UNC13D: variants seen among roughly 807,000 people sequenced by gnomAD.
UNC13D encodes the protein unc-13 homolog D.
UNC13D carries 115 observed loss-of-function variants against 151.7 expected under a neutral mutation model. The ratio of observed to expected loss-of-function variants is 0.76; its 90% CI spans 0.65 to 0.88. The LOEUF is 0.88. UNC13D is among the 40% of genes least tolerant of loss of function. The probability of loss-of-function intolerance (pLI) is 0.00; values close to 1 mark genes in which losing one functional copy is unlikely to be tolerated. For synonymous variants in UNC13D, 588 were observed against 612.2 expected (o/e 0.96, Z 0.58); for missense variants, 1,369 against 1,438.7 (o/e 0.95, Z 0.78).
chr17:75,841,356 A>G (rs1023543143), intron 6 of UNC13D, among the ~76,000 whole-genome samples: 3 of 150,214 alleles, frequency 2.0e-5, no homozygotes, highest in Non-Finnish European at 4.4e-5. Context: ...TGTTGGCCAC[A>G]CTGGTCTTGA....
rs180770840 is a variant in UNC13D, at chr17:75,844,138, G to T, written c.117+83C>A. ...GGTCCCCAGTCCCAGCCTTCGAGAG[G>T]TGGGGCCAGACAGCAGGGCACCCGT... is the stretch of plus-strand genomic sequence containing the variant. On this transcript the variant is annotated intron_variant, in intron 1 of 31. Coordinates refer to ENST00000207549, the MANE Select transcript of UNC13D (RefSeq NM_199242.3). 46 of 1,557,964 alleles carry T rather than the reference G, an allele frequency of 3.0e-5. No homozygotes were observed. The African/African-American group carries it at 4.3e-4, about 15-fold the overall frequency.
rs761457057 is a variant in UNC13D at position 75,836,572 on chromosome 17, C to T, written c.1298G>A (p.Arg433Lys). 5 of 1,613,512 alleles carry T rather than the reference C, an allele frequency of 3.1e-6. No homozygotes were observed. In the East Asian group the frequency reaches 6.7e-5, roughly 22 times the overall value. Reference protein sequence around the residue: ...DSPARLQSLLRVLVQMCKMKA... With the variant: ...DSPARLQSLLKVLVQMCKMKA... ...GAGGAAGAGGAAGGCAGCCACTGAC[C>T]TGAGAAGAGACTGCAGCCGGGCTGG... is the stretch of plus-strand genomic sequence containing the variant. Residue 433 changes from arginine (R) to lysine (K), a missense_variant and splice_region_variant, in exon 14 of 32, where the codon AGG becomes AAG. This residue lies in a region of UNC13D where 550 missense variants were observed against 609.0 expected (regional missense o/e 0.90). Transcript: ENST00000207549.
chr17:75,828,890 G>A lies in UNC13D; in HGVS notation c.3048C>T (p.Gly1016=), dbSNP rs111279039. 1.1e-5 allele frequency: 18 copies of A among 1,605,888 alleles called. No individual in the cohort carries two copies. The highest frequency in any genetic ancestry group is 5.3e-5 in the African/African-American group (4 of 75,010). Residue 1016 remains glycine, a synonymous_variant, in exon 31 of 32, where the codon GGC becomes GGT. Coordinates refer to ENST00000207549, the MANE Select transcript of UNC13D (RefSeq NM_199242.3). ...CCTCACGCAGCGGCAGGAAGGCCTC[G>A]CCTTCCAGGTCGTCGGCCCCCAGCG... ...YDTLGADDLE[G]EAFLPLREVP... is the part of the protein sequence containing the mutation.
rs760582946 is a variant in UNC13D, at chr17:75,834,313, C to G, written c.2298+12G>C. ...GGATGGGATGGGGTGACTGTGCGGT[C>G]GGACAAGGTACCTGCTCGGCCAGGG... is the stretch of plus-strand genomic sequence containing the variant. On this transcript the variant is annotated intron_variant, in intron 23 of 31. Coordinates refer to ENST00000207549, the MANE Select transcript of UNC13D (RefSeq NM_199242.3). The G allele has an allele frequency of 3.1e-6, 5 of 1,593,470 alleles. No homozygotes were observed. Among genetic ancestry groups the G allele is most frequent in the East Asian group, 4.5e-5 (2 of 44,636 alleles).
intron 21 of UNC13D, 65 bp from the exon 22 acceptor site, chr17:75,834,781 G>A (rs1424270240): frequency 5.0e-6 from 8 of 1,607,246 alleles, no homozygotes; most frequent in African/African-American, 1.3e-5. Flanking sequence ...GCAGGTGGGA[G>A]GGCATGGGAA....
Position 75,827,970 on chromosome 17 carries a change from G to A in UNC13D, c.3268C>T (p.Pro1090Ser), listed in dbSNP as rs1332768685. 2.5e-6 allele frequency: 4 copies of A among 1,607,450 alleles called. No individual in the cohort carries two copies. Among genetic ancestry groups the A allele is most frequent in the East Asian group, 2.2e-5 (1 of 44,624 alleles). Residue 1090 changes from proline to serine, a missense_variant, in exon 32 of 32, where the codon CCG becomes TCG. Pro to Ser is a moderately conservative substitution (Grantham distance 74, BLOSUM62 -1). Coordinates refer to ENST00000207549, the MANE Select transcript of UNC13D (RefSeq NM_199242.3). Reference sequence around the variant, plus strand: ...CCCACCGCAAACCTCTACGGCTACGGTGCCGGCCGCAAGGCATGCTGGGAG... The same window carrying A: ...CCCACCGCAAACCTCTACGGCTACGATGCCGGCCGCAAGGCATGCTGGGAG... ...QASQHALRPA[P>S]
chr17:75,831,493 AC>A, intron 25 of UNC13D, 145 bp from the exon 26 acceptor site: 1 of 712,842 alleles, frequency 1.4e-6, no homozygotes, highest in Non-Finnish European at 2.3e-6. Flanking sequence ...TCCGCCTCCC[AC>A]CCCAGGTGAG....
At position 75,841,106 on chromosome 17, in the gene UNC13D, G is replaced by T. The variant is rs867188729; in HGVS notation, c.570-105C>A. ...AGCCATGGAGTTGTAGCCTATCCCT[G>T]CCAAACTTCCCTCCTCCCAGCCGCA... On this transcript the variant is annotated intron_variant, in intron 6 of 31. Coordinates refer to ENST00000207549, the MANE Select transcript of UNC13D (RefSeq NM_199242.3). The T allele has an allele frequency of 1.1e-5, 12 of 1,140,450 alleles. No individual in the cohort carries two copies. In the Middle Eastern group the frequency reaches 2.0e-3, roughly 189 times the overall value. 70.6% of individuals were successfully genotyped at this position (1,140,450 alleles called of 1,614,324 possible). A position where few individuals can be genotyped will look rare whatever the true frequency, so the allele number is the denominator to read the frequency against.
chr17:75,836,366 C>A lies in UNC13D; in HGVS notation c.1362G>T (p.Leu454Phe), dbSNP rs1410012320. 1.9e-6 allele frequency: 3 copies of A among 1,613,874 alleles called. No individual in the cohort carries two copies. Among genetic ancestry groups the A allele is most frequent in the African/African-American group, 2.7e-5 (2 of 74,946 alleles). Residue 454 changes from leucine (L) to phenylalanine (F), a missense_variant, in exon 15 of 32, where the codon TTG becomes TTT. Leu to Phe is a conservative substitution (Grantham distance 22, BLOSUM62 0). Coordinates refer to ENST00000207549, the MANE Select transcript of UNC13D (RefSeq NM_199242.3). ...FGELCPNTAPLPQLVTEALQT... is the reference protein window; with the variant it reads ...FGELCPNTAPFPQLVTEALQT... Reference sequence around the variant, plus strand: ...GCAGGGCCTCAGTCACCAGCTGGGGCAATGGGGCGGTGTTGGGGCACAGTT... The same window carrying A: ...GCAGGGCCTCAGTCACCAGCTGGGGAAATGGGGCGGTGTTGGGGCACAGTT...
Position 75,835,890 on chromosome 17 carries a change from G to C in UNC13D, c.1561C>G (p.Leu521Val). The C allele has an allele frequency of 6.2e-7, 1 of 1,614,212 alleles. No homozygotes were observed. The highest frequency in any genetic ancestry group is 8.5e-7 in the Non-Finnish European group (1 of 1,180,036). The change falls in exon 18 of 32, where the codon CTC becomes GTC. Residue 521 changes from leucine (L) to valine (V), a missense_variant. By Grantham distance (32) the Leu-to-Val change is conservative. Transcript: ENST00000207549. ...KIFHNTLKIH[L>V]FSMAFRELQW... is the part of the protein sequence containing the mutation. ...AGCTCCCGGAAAGCCATGGAGAAGA[G>C]GTGGATCTTGAGGGTACTGGAGGAA...
Position 75,836,884 on chromosome 17 carries a change from G to A in UNC13D, c.1090C>T (p.Leu364=). ...AGGAGGCAGCTGCTGGGGAACTCCA[G>A]GCTCTGGTAGAGGCGGCTGTAGGCC... ...WLAYSRLYQS[L]EFPSSCLLHP... Residue 364 remains leucine, a synonymous_variant, in exon 13 of 32, where the codon CTG becomes TTG. Coordinates refer to ENST00000207549, the MANE Select transcript of UNC13D (RefSeq NM_199242.3). The A allele has an allele frequency of 6.2e-7, 1 of 1,613,722 alleles. No individual in the cohort carries two copies. The highest frequency in any genetic ancestry group is 8.5e-7 in the Non-Finnish European group (1 of 1,180,026).
At position 75,842,608 on chromosome 17, in the gene UNC13D, T is replaced by C; in HGVS notation, c.394A>G (p.Ser132Gly). ...ATGCCCAGCAGGCAGTAGGGGTCGCTGAACCCTGTGGAGGAGTGGGGAAGA... is the reference window on the plus strand; with the variant it reads ...ATGCCCAGCAGGCAGTAGGGGTCGCCGAACCCTGTGGAGGAGTGGGGAAGA... ...GILGKDVSGF[S>G]DPYCLLGIEQ... is the part of the protein sequence containing the mutation. Residue 132 changes from serine to glycine, a missense_variant, in exon 6 of 32, where the codon AGC becomes GGC. Ser to Gly is a moderately conservative substitution (Grantham distance 56). Coordinates refer to ENST00000207549, the MANE Select transcript of UNC13D (RefSeq NM_199242.3). The C allele has an allele frequency of 6.2e-7, 1 of 1,611,614 alleles. No homozygotes were observed.
At position 75,834,404 on chromosome 17, in the gene UNC13D, G is replaced by A. The variant is rs761013333; in HGVS notation, c.2219C>T (p.Thr740Met). The A allele has an allele frequency of 5.3e-5, 84 of 1,584,710 alleles. No individual in the cohort carries two copies. In the Middle Eastern group the frequency reaches 5.3e-4, roughly 10 times the overall value. The part of the protein sequence containing the change: ...AVLEQGQLQN[T>M]LHAQLQSALA... The stretch of plus-strand genomic sequence containing the variant: ...CGCGCTCTGCAGCTGGGCATGCAGC[G>A]TGTTCTGCAGCTGCCCCTGCTCCAG... The change falls in exon 23 of 32, where the codon ACG becomes ATG. Residue 740 changes from threonine (T) to methionine (M), a missense_variant. Thr to Met is a moderately conservative substitution (Grantham distance 81). Coordinates refer to ENST00000207549, the MANE Select transcript of UNC13D (RefSeq NM_199242.3).
In UNC13D at chr17:75,830,145, C is replaced by A; in HGVS notation, c.2837G>T (p.Ser946Ile). Residue 946 changes from serine to isoleucine, a missense_variant, in exon 30 of 32, where the codon AGC becomes ATC. Ser to Ile is a moderately radical substitution (Grantham distance 142, BLOSUM62 -2). Coordinates refer to ENST00000207549, the MANE Select transcript of UNC13D (RefSeq NM_199242.3). ...SLLPLDSNGS[S>I]DPFVQLTLEP... ...CAAGGTCAGCTGGACAAAGGGGTCG[C>A]TGGAGCCTGGTAAGTGGCCGGGGAG... is the stretch of plus-strand genomic sequence containing the variant. 1 of 1,589,906 alleles carries A rather than the reference C, an allele frequency of 6.3e-7. No homozygotes were observed. The highest frequency in any genetic ancestry group is 1.8e-5 in the Admixed American group (1 of 56,700).
Position 75,835,659 on chromosome 17 carries a change from C to T in UNC13D, c.1715G>A (p.Ser572Asn), listed in dbSNP as rs894427230. 4 of 1,613,244 alleles carry T rather than the reference C, an allele frequency of 2.5e-6. No individual in the cohort carries two copies. In the African/African-American group the frequency reaches 5.3e-5, roughly 22 times the overall value. The stretch of plus-strand genomic sequence containing the variant: ...GCCTGCTGCCCACCTCTCTGAGGAG[C>T]TCATGCGCAGCTGGCAGAGCTCCTT... ...SLKELCQLRM[S>N]SSERDGVLAL... Residue 572 changes from serine (S) to asparagine (N), a missense_variant, in exon 19 of 32, where the codon AGC (serine) becomes AAC (asparagine). By Grantham distance (46) the Ser-to-Asn change is conservative. Transcript: ENST00000207549.
At position 75,833,386 on chromosome 17, in the gene UNC13D, G is replaced by A. The variant is rs1000874712; in HGVS notation, c.2368-341C>T. 4 of 246,900 alleles carry A rather than the reference G, an allele frequency of 1.6e-5. No homozygotes were observed. Among genetic ancestry groups the A allele is most frequent in the East Asian group, 8.3e-5 (1 of 12,070 alleles). The allele number at this position is 246,900 out of a possible 1,614,324, so 15.3% of individuals were successfully genotyped here. A position where few individuals can be genotyped will look rare whatever the true frequency, so the allele number is the denominator to read the frequency against. On this transcript the variant is annotated intron_variant, in intron 24 of 31. Transcript: ENST00000207549. The surrounding 1 kb of genome is among the most constrained non-coding windows in gnomAD (Gnocchi z 4.0). ...CCGTAGGTCTTCGCTCAGTTGTCAC[G>A]GCCTTCCCTGGCCACCATCTAAAAA...
At chr17:75,839,273 A>G (rs1320827786) in intron 12 of UNC13D, among the ~76,000 whole-genome samples, 1 of 148,162 alleles carries the variant, frequency 6.7e-6, no homozygotes, top group Non-Finnish European at 1.5e-5. Flanking sequence ...GTGGTGGCGC[A>G]TGCCTGTAAT....
chr17:75,840,859 C>A lies in UNC13D; in HGVS notation c.615-29G>T, dbSNP rs1315325850. On this transcript the variant is annotated intron_variant, in intron 7 of 31. Transcript: ENST00000207549. This position sits in a 1 kb window ranked among gnomAD's most constrained non-coding sequence, Gnocchi z 4.6. ...GCAGGACAGAGGTTTGAGAAGGAAGCAGAGAGAGTGCCTACGACCTCTTCC... is the reference window on the plus strand; with the variant it reads ...GCAGGACAGAGGTTTGAGAAGGAAGAAGAGAGAGTGCCTACGACCTCTTCC... The A allele has an allele frequency of 6.2e-7, 1 of 1,614,060 alleles. No individual in the cohort carries two copies. The highest frequency in any genetic ancestry group is 8.5e-7 in the Non-Finnish European group (1 of 1,179,990).
chr17:75,837,329 G>A (rs1347730654), intron 12 of UNC13D, among the ~76,000 whole-genome samples: 1 of 151,198 alleles, frequency 6.6e-6, no homozygotes, highest in Admixed American at 6.6e-5. Context: ...GCCTCCCAAA[G>A]TTCTGGGATT....
Sources: gnomAD v4.1 joint callset for allele counts (sites outside exome capture counted in the v4.1 genomes callset) on GRCh38, gnomAD v4.1.1 for gene constraint, gnomAD v4.1.1 regional missense constraint, Gnocchi (gnomAD v3.1) non-coding constraint, MANE v1.5 for transcripts, NCBI Gene and HGNC (gene_info 2026-07-23, HGNC 2026-07-21) for gene names.